Variants in UBALD2 observed in about 807,000 individuals in gnomAD.
UBALD2 encodes the protein UBA like domain containing 2.
UBALD2 carries 8 observed loss-of-function variants against 15.9 expected under a neutral mutation model. The observed-to-expected ratio is 0.50, with a 90% CI of 0.29 to 0.91. The LOEUF is 0.91. Ranked by LOEUF, UBALD2 falls within the 40% of genes least tolerant of loss-of-function variation. The pLI is 0.07. For synonymous variants in UBALD2, 113 were observed against 97.7 expected (o/e 1.16, Z -0.93); for missense variants, 178 against 234.8 (o/e 0.76, Z 1.58).
chr17:76,268,403 T>TCGGTCA (rs2070560579), intron 2 of UBALD2, among the ~76,000 whole-genome samples: 3 of 151,928 alleles, frequency 2.0e-5, no homozygotes, highest in South Asian at 2.1e-4. Context: ...ACTGGGGAAG[T>TCGGTCA]CGGTCACGAT....
intron 2 of UBALD2, 28 bp from the exon 3 acceptor site, chr17:76,270,166 C>T (rs755664494): frequency 6.2e-7 from 1 of 1,606,924 alleles, no homozygotes; most frequent in Non-Finnish European, 8.5e-7. Context: ...CCGAGGCAGC[C>T]TCCCCACACC....
At position 76,265,407 on chromosome 17, in the gene UBALD2, A is replaced by G. The variant is rs1432925522; in HGVS notation, c.-99A>G. The G allele has an allele frequency of 2.1e-6, 2 of 969,760 alleles. No individual in the cohort carries two copies. Among genetic ancestry groups the G allele is most frequent in the East Asian group, 1.2e-4 (1 of 8,548 alleles). 60.1% of individuals were successfully genotyped at this position (969,760 alleles called of 1,614,324 possible). A position where few individuals can be genotyped will look rare whatever the true frequency, so the allele number is the denominator to read the frequency against. On this transcript the variant is annotated 5_prime_UTR_variant, in exon 1 of 3. Transcript: ENST00000327490. ...CGGCGGAGCGGCGGCAGCAGCGGTGAGCGCGAGCCCCGGAGCCCCGGGCGG... is the reference window on the plus strand; with the variant it reads ...CGGCGGAGCGGCGGCAGCAGCGGTGGGCGCGAGCCCCGGAGCCCCGGGCGG...
chr17:76,266,051 C>A, intron 2 of UBALD2, 82 bp downstream of exon 2: 1 of 1,475,274 alleles, frequency 6.8e-7, no homozygotes, highest in Non-Finnish European at 9.1e-7. Flanking sequence ...AGCGCCGCGC[C>A]GCGAATGTAA....
Position 76,270,551 on chromosome 17 carries a change from G to C in UBALD2, c.*46G>C. 1 of 1,404,706 alleles carries C rather than the reference G, an allele frequency of 7.1e-7. No individual in the cohort carries two copies. The highest frequency in any genetic ancestry group is 2.7e-5 in the East Asian group (1 of 36,440). 87.0% of individuals were successfully genotyped at this position (1,404,706 alleles called of 1,614,324 possible). ...TGGGCTGGAGCTGGGGGCAGCCCAG[G>C]GTTGTGGGGACACAGGAGGGCCAGG... is the stretch of plus-strand genomic sequence containing the variant. On this transcript the variant is annotated 3_prime_UTR_variant, in exon 3 of 3. Transcript: ENST00000327490.
At chr17:76,266,165 A>T (rs1194657373) in intron 2 of UBALD2, among the ~76,000 whole-genome samples, 196 bp downstream of exon 2, 1 of 151,834 alleles carries the variant, frequency 6.6e-6, no homozygotes, top group African/African-American at 2.4e-5. Flanking sequence ...TGGCCTCGGG[A>T]CTGGTGCCCG....
chr17:76,270,115 C>T (rs990647558), intron 2 of UBALD2, 79 bp from the exon 3 acceptor site: 26 of 1,441,088 alleles, frequency 1.8e-5, no homozygotes, highest in African/African-American at 1.7e-4. Flanking sequence ...AGTAAAGGAG[C>T]GGCTGGCCTG....
Position 76,270,516 on chromosome 17 carries a change from C to T in UBALD2, c.*11C>T, listed in dbSNP as rs113424826. ...GACGGCCAGAGATGAGACTGGACGCCGCCGGGCGCTGGGCTGGAGCTGGGG... is the reference window on the plus strand; with the variant it reads ...GACGGCCAGAGATGAGACTGGACGCTGCCGGGCGCTGGGCTGGAGCTGGGG... On this transcript the variant is annotated 3_prime_UTR_variant, in exon 3 of 3. Coordinates refer to ENST00000327490, the MANE Select transcript of UBALD2 (RefSeq NM_182565.4). 2.3e-3 allele frequency: 3,282 copies of T among 1,438,734 alleles called. 9 individuals are homozygous for T. Among genetic ancestry groups the T allele is most frequent in the Middle Eastern group, 8.5e-3 (34 of 4,020 alleles). 89.1% of individuals were successfully genotyped at this position (1,438,734 alleles called of 1,614,324 possible).
chr17:76,267,154 G>A (rs759021619), intron 2 of UBALD2, among the ~76,000 whole-genome samples: 3 of 152,086 alleles, frequency 2.0e-5, no homozygotes, highest in Non-Finnish European at 4.4e-5. Context: ...CTTGAGTCTC[G>A]AAGCTTCCTG....
Position 76,268,595 on chromosome 17 carries a change from G to A in UBALD2, c.184-1599G>A, listed in dbSNP as rs970246747. Among the ~76,000 whole-genome samples the A allele has an allele frequency of 3.3e-5, 5 of 152,122 alleles. No individual in the cohort carries two copies. The East Asian group carries it at 7.7e-4, about 23-fold the overall frequency. On this transcript the variant is annotated intron_variant, in intron 2 of 2. Coordinates refer to ENST00000327490, the MANE Select transcript of UBALD2 (RefSeq NM_182565.4). ...CCCCTGAGGACCCCTAGAAAGGCAA[G>A]GGTCAGAGCTCCCTTGGTGCCCTGG...
chr17:76,265,689 C>T, intron 1 of UBALD2, 64 bp downstream of exon 1: 1 of 1,157,656 alleles, frequency 8.6e-7, no homozygotes, highest in African/African-American at 1.6e-5. Flanking sequence ...GCGGCGGGGG[C>T]GGGGAGCGCT....
chr17:76,269,361 C>T lies in UBALD2; in HGVS notation c.184-833C>T, dbSNP rs1295173798. ...GCTGGACAGACTGAGAAACTGCCAG[C>T]CTGCAGGCAAGGGCAGGCCAGCTGT... On this transcript the variant is annotated intron_variant, in intron 2 of 2. Coordinates refer to ENST00000327490, the MANE Select transcript of UBALD2 (RefSeq NM_182565.4). This position sits in a 1 kb window ranked among gnomAD's most constrained non-coding sequence, Gnocchi z 4.6. 1.3e-5 allele frequency among the ~76,000 whole-genome samples: 2 copies of T among 152,136 alleles called. No individual in the cohort carries two copies. The highest frequency in any genetic ancestry group is 2.9e-5 in the Non-Finnish European group (2 of 68,018).
Position 76,265,417 on chromosome 17 carries a change from C to T in UBALD2, c.-89C>T. The T allele has an allele frequency of 1.0e-6, 1 of 980,028 alleles. No individual in the cohort carries two copies. The highest frequency in any genetic ancestry group is 1.2e-6 in the Non-Finnish European group (1 of 827,090). 60.7% of individuals were successfully genotyped at this position (980,028 alleles called of 1,614,324 possible). Reference sequence around the variant, plus strand: ...GCGGCAGCAGCGGTGAGCGCGAGCCCCGGAGCCCCGGGCGGCCGGCCTCCC... The same window carrying T: ...GCGGCAGCAGCGGTGAGCGCGAGCCTCGGAGCCCCGGGCGGCCGGCCTCCC... On this transcript the variant is annotated 5_prime_UTR_variant, in exon 1 of 3. Coordinates refer to ENST00000327490, the MANE Select transcript of UBALD2 (RefSeq NM_182565.4).
Position 76,270,485 on chromosome 17 carries a change from G to A in UBALD2, c.475G>A (p.Ala159Thr). The A allele has an allele frequency of 1.4e-6, 2 of 1,465,098 alleles. No individual in the cohort carries two copies. The highest frequency in any genetic ancestry group is 1.4e-5 in the South Asian group (1 of 71,074). The allele number at this position is 1,465,098 out of a possible 1,614,324, so 90.8% of individuals were successfully genotyped here. ...GGGCGCCCAGCAGAAAGCCATGGCG[G>A]CCATGGACGGCCAGAGATGAGACTG... Reference protein sequence around the residue: ...QGGAQQKAMAAMDGQR With the variant: ...QGGAQQKAMATMDGQR Residue 159 changes from alanine (A) to threonine (T), a missense_variant, in exon 3 of 3, where the codon GCC (alanine) becomes ACC (threonine). Ala to Thr is a moderately conservative substitution (Grantham distance 58). Coordinates refer to ENST00000327490, the MANE Select transcript of UBALD2 (RefSeq NM_182565.4).
In UBALD2 at chr17:76,269,812, G is replaced by A. The variant is rs949949384; in HGVS notation, c.184-382G>A. ...CCTAGCAGCCTGGGAGCATCTGAGG[G>A]TGGCTGGTGGGGCAGTCAGCTGGTC... On this transcript the variant is annotated intron_variant, in intron 2 of 2. Coordinates refer to ENST00000327490, the MANE Select transcript of UBALD2 (RefSeq NM_182565.4). This position sits in a 1 kb window ranked among gnomAD's most constrained non-coding sequence, Gnocchi z 4.6. Among the ~76,000 whole-genome samples, 8 of 152,280 alleles carry A rather than the reference G, an allele frequency of 5.3e-5. No individual in the cohort carries two copies. Among genetic ancestry groups the A allele is most frequent in the Middle Eastern group, 3.4e-3 (1 of 294 alleles).
At position 76,267,882 on chromosome 17, in the gene UBALD2, C is replaced by T. The variant is rs558222509; in HGVS notation, c.183+1913C>T. 9.4e-4 allele frequency among the ~76,000 whole-genome samples: 143 copies of T among 152,204 alleles called. 1 individual carries two copies. Among genetic ancestry groups the T allele is most frequent in the African/African-American group, 3.3e-3 (138 of 41,522 alleles). On this transcript the variant is annotated intron_variant, in intron 2 of 2. Coordinates refer to ENST00000327490, the MANE Select transcript of UBALD2 (RefSeq NM_182565.4). ...CCATGTTGATCAGGCTGGTCTCGAACTCCCAACCTCAGGTGGTCCGCCTGC... is the reference window on the plus strand; with the variant it reads ...CCATGTTGATCAGGCTGGTCTCGAATTCCCAACCTCAGGTGGTCCGCCTGC...
chr17:76,270,078 C>T lies in UBALD2; in HGVS notation c.184-116C>T, dbSNP rs950438459. 6.3e-6 allele frequency: 7 copies of T among 1,118,590 alleles called. No individual in the cohort carries two copies. The East Asian group carries it at 1.0e-4, about 17-fold the overall frequency. The allele number at this position is 1,118,590 out of a possible 1,614,324, so 69.3% of individuals were successfully genotyped here. On this transcript the variant is annotated intron_variant, in intron 2 of 2. Transcript: ENST00000327490. The stretch of plus-strand genomic sequence containing the variant: ...TTTTGTCCTGTGGAAGCTGCTTGTG[C>T]GAAAATGAATGAAGCTGAAAAATGG...
rs1003769246 is a variant in UBALD2, at chr17:76,270,680, G to A, written c.*175G>A. Reference sequence around the variant, plus strand: ...GGGGACAGTAAACTTCCTGGGCCACGTGGGTCCTTCAGGAGTTTTTCAGGC... The same window carrying A: ...GGGGACAGTAAACTTCCTGGGCCACATGGGTCCTTCAGGAGTTTTTCAGGC... On this transcript the variant is annotated 3_prime_UTR_variant, in exon 3 of 3. Coordinates refer to ENST00000327490, the MANE Select transcript of UBALD2 (RefSeq NM_182565.4). 2.0e-4 allele frequency: 107 copies of A among 544,074 alleles called. No individual in the cohort carries two copies. Among genetic ancestry groups the A allele is most frequent in the Admixed American group, 7.8e-4 (20 of 25,616 alleles). The allele number at this position is 544,074 out of a possible 1,614,324, so 33.7% of individuals were successfully genotyped here. A position where few individuals can be genotyped will look rare whatever the true frequency, so the allele number is the denominator to read the frequency against.
rs1324731391 is a variant in UBALD2, at chr17:76,265,581, G to A, written c.76G>A (p.Asp26Asn). The part of the protein sequence containing the change: ...QFVLAAGCAA[D>N]QAKQLLQAAH... ...CGTGCTGGCCGCGGGCTGCGCGGCC[G>A]ACCAGGCGAAGCAGTTGCTGCAGGC... The change falls in exon 1 of 3, where the codon GAC (aspartate) becomes AAC (asparagine). Residue 26 changes from aspartate (D) to asparagine (N), a missense_variant. Transcript: ENST00000327490. 2.2e-6 allele frequency: 3 copies of A among 1,338,058 alleles called. No homozygotes were observed. The highest frequency in any genetic ancestry group is 2.0e-6 in the Non-Finnish European group (2 of 1,021,058). The allele number at this position is 1,338,058 out of a possible 1,614,324, so 82.9% of individuals were successfully genotyped here.
In UBALD2 at chr17:76,270,225, C is replaced by T; in HGVS notation, c.215C>T (p.Pro72Leu). 1 of 1,612,896 alleles carries T rather than the reference C, an allele frequency of 6.2e-7. No homozygotes were observed. Among genetic ancestry groups the T allele is most frequent in the Non-Finnish European group, 8.5e-7 (1 of 1,179,960 alleles). Residue 72 changes from proline (P) to leucine (L), a missense_variant, in exon 3 of 3, where the codon CCG (proline) becomes CTG (leucine). Physicochemically the swap from Pro to Leu is moderately conservative, Grantham distance 98. Transcript: ENST00000327490. ...MCTPSNTPAT[P>L]PNFPDALAMF... ...ACTCCCAGCAACACCCCTGCCACGCCGCCCAACTTCCCCGATGCGCTGGCC... is the reference window on the plus strand; with the variant it reads ...ACTCCCAGCAACACCCCTGCCACGCTGCCCAACTTCCCCGATGCGCTGGCC...
Sources: allele counts gnomAD v4.1 joint callset (sites outside exome capture counted in the v4.1 genomes callset), GRCh38; gene constraint gnomAD v4.1.1; non-coding constraint Gnocchi (gnomAD v3.1); transcripts MANE v1.5; gene names NCBI Gene and HGNC (gene_info 2026-07-23, HGNC 2026-07-21).